Variants in RGS7 observed in about 807,000 individuals in gnomAD.
RGS7 encodes the protein regulator of G-protein signaling 7.
In RGS7, 27 loss-of-function variants were observed where a neutral mutation model predicts 81.1. The ratio of observed to expected loss-of-function variants is 0.33; its 90% CI spans 0.25 to 0.46. RGS7 has a LOEUF of 0.46. Among genes scored for constraint, RGS7 ranks in the 20% least tolerant of loss-of-function variants. RGS7 has a pLI of 1.00. For missense variants in RGS7, 396 were observed against 607.4 expected (o/e 0.65, Z 3.66); for synonymous variants, 208 against 207.7 (o/e 1.00, Z -0.01).
intron 3 of RGS7, among the ~76,000 whole-genome samples, chr1:241,046,310 C>T (rs12065303): frequency 1.7e-4 from 25 of 149,808 alleles, no homozygotes; most frequent in African/African-American, 4.9e-4. Flanking sequence ...TGACCCCCCC[C>T]CCCTTTTCTA....
intron 3 of RGS7, among the ~76,000 whole-genome samples, chr1:241,055,815 C>A (rs2061450031): frequency 6.6e-6 from 1 of 152,194 alleles, no homozygotes. Flanking sequence ...CAGCCCCCAT[C>A]CTGAGGCTAC....
At chr1:241,077,294 TGGA>T (rs2062857896) in intron 3 of RGS7, among the ~76,000 whole-genome samples, 1 of 151,992 alleles carries the variant, frequency 6.6e-6, no homozygotes, top group Non-Finnish European at 1.5e-5. Flanking sequence ...GTCATGAAAA[TGGA>T]TAAGGGTTCA....
intron 14 of RGS7, among the ~76,000 whole-genome samples, chr1:240,810,954 G>A (rs574747499): frequency 5.3e-5 from 8 of 152,254 alleles, no homozygotes; most frequent in South Asian, 2.1e-4. Flanking sequence ...ACATTCCTCC[G>A]GGTTCTGTCT....
At chr1:241,075,864 A>C (rs967294072) in intron 3 of RGS7, among the ~76,000 whole-genome samples, 1 of 152,238 alleles carries the variant, frequency 6.6e-6, no homozygotes, top group African/African-American at 2.4e-5. Flanking sequence ...GGTACTGTGG[A>C]GTGAAAGTGA....
rs192815483 is a variant in RGS7 at position 240,930,981 on chromosome 1, G to A, written c.334-213C>T. On this transcript the variant is annotated intron_variant, in intron 5 of 18. Transcript: ENST00000440928. ...CAGCTTCTAAACATGTGTAGTACCAGCAAGCAGGTATTTAGAATGTCATCC... is the reference window on the plus strand; with the variant it reads ...CAGCTTCTAAACATGTGTAGTACCAACAAGCAGGTATTTAGAATGTCATCC... 1.6e-3 allele frequency among the ~76,000 whole-genome samples: 237 copies of A among 152,244 alleles called. 1 individual carries two copies. The highest frequency in any genetic ancestry group is 5.5e-3 in the African/African-American group (229 of 41,544).
chr1:241,073,695 G>C (rs574351972), intron 3 of RGS7, among the ~76,000 whole-genome samples: 1 of 152,138 alleles, frequency 6.6e-6, no homozygotes, highest in Non-Finnish European at 1.5e-5. Flanking sequence ...GGGTCTGGGA[G>C]TAAGAAAAAG....
intron 3 of RGS7, among the ~76,000 whole-genome samples, chr1:241,086,563 A>C (rs2502417): frequency 0.25 from 37,599 of 151,322 alleles, 6,398 homozygotes; most frequent in African/African-American, 0.48. Context: ...CAGCCACAGT[A>C]CCCAGCCTTG....
chr1:241,226,906 C>A (rs1407866866), intron 2 of RGS7, among the ~76,000 whole-genome samples: 1 of 152,158 alleles, frequency 6.6e-6, no homozygotes, highest in African/African-American at 2.4e-5. Context: ...AATAGGTACT[C>A]CCCTCTTTTT....
intron 5 of RGS7, among the ~76,000 whole-genome samples, chr1:240,933,034 C>CT (rs1471575526): frequency 3.4e-5 from 5 of 148,004 alleles, no homozygotes; most frequent in Admixed American, 6.7e-5. Context: ...CAGGCGCCCG[C>CT]ACCACGCCCG....
intron 2 of RGS7, among the ~76,000 whole-genome samples, chr1:241,177,220 C>A (rs966641739): frequency 2.0e-5 from 3 of 152,180 alleles, no homozygotes; most frequent in African/African-American, 7.2e-5. Context: ...CTCCACAGAG[C>A]TTGCCAAGGA....
intron 4 of RGS7, among the ~76,000 whole-genome samples, chr1:240,982,733 G>A (rs568330866): frequency 2.0e-4 from 31 of 152,138 alleles, no homozygotes; most frequent in Non-Finnish European, 3.5e-4. Context: ...AGATGTATGT[G>A]TCTTATAGAA....
rs566338155 is a variant in RGS7 at position 241,222,450 on chromosome 1, T to C, written c.79-123688A>G. Among the ~76,000 whole-genome samples, 4 of 152,316 alleles carry C rather than the reference T, an allele frequency of 2.6e-5. No individual in the cohort carries two copies. The East Asian group carries it at 7.7e-4, about 29-fold the overall frequency. ...TTTGAAGAACTACTGTTATACAGGATGACTGAGACCAGAGTTAAAAGTTCA... is the reference window on the plus strand; with the variant it reads ...TTTGAAGAACTACTGTTATACAGGACGACTGAGACCAGAGTTAAAAGTTCA... On this transcript the variant is annotated intron_variant, in intron 2 of 18. Coordinates refer to ENST00000440928, the MANE Select transcript of RGS7 (RefSeq NM_001364886.1).
At chr1:241,317,237 GTTACAAGTTTTGAGTA>G (rs1021477065) in intron 2 of RGS7, among the ~76,000 whole-genome samples, 3 of 152,172 alleles carry the variant, frequency 2.0e-5, no homozygotes, top group African/African-American at 7.2e-5. Context: ...AAACTAGAAA[GTTACAAGTTTTGAGTA>G]TTGCTTCCAT....
At chr1:240,833,601 A>G (rs7522897) in intron 9 of RGS7, among the ~76,000 whole-genome samples, 60,143 of 152,068 alleles carry the variant, frequency 0.4, 13,341 homozygotes, top group Non-Finnish European at 0.5. Flanking sequence ...GTCAAGGAGC[A>G]TCTGTATATA....
intron 6 of RGS7, among the ~76,000 whole-genome samples, chr1:240,907,804 T>C (rs1440257390): frequency 6.6e-6 from 1 of 152,170 alleles, no homozygotes; most frequent in Non-Finnish European, 1.5e-5. Flanking sequence ...TCCTCTCCTG[T>C]AGACACATTT....
intron 4 of RGS7, among the ~76,000 whole-genome samples, chr1:240,946,517 G>A (rs1480583609): frequency 2.0e-5 from 3 of 152,116 alleles, no homozygotes; most frequent in African/African-American, 7.2e-5. Flanking sequence ...TGAGGTGGGA[G>A]AATTGCTTGA....
chr1:240,815,822 A>G (rs1472488026), intron 11 of RGS7, among the ~76,000 whole-genome samples: 2 of 152,228 alleles, frequency 1.3e-5, no homozygotes, highest in African/African-American at 4.8e-5. Context: ...AGTGTATAGC[A>G]TGACTCCATG....
intron 3 of RGS7, among the ~76,000 whole-genome samples, chr1:241,063,807 G>T (rs2061878498): frequency 6.6e-6 from 1 of 151,898 alleles, no homozygotes; most frequent in African/African-American, 2.4e-5. Flanking sequence ...ATAAGCATTT[G>T]TTTTTGCAAT....
chr1:241,216,928 T>C (rs2074591858), intron 2 of RGS7, among the ~76,000 whole-genome samples: 1 of 152,250 alleles, frequency 6.6e-6, no homozygotes, highest in Admixed American at 6.5e-5. Flanking sequence ...GCAACTCTGA[T>C]AGCTATCCCT....
Sources: gnomAD v4.1 joint callset for allele counts (sites outside exome capture counted in the v4.1 genomes callset) on GRCh38, gnomAD v4.1.1 for gene constraint, MANE v1.5 for transcripts, NCBI Gene and HGNC (gene_info 2026-07-23, HGNC 2026-07-21) for gene names.